Variants in RTN1 observed in about 807,000 individuals in gnomAD.
The protein encoded by RTN1 is reticulon 1.
RTN1 carries 25 observed loss-of-function variants against 65.5 expected under a neutral mutation model. That is an observed-to-expected ratio of 0.38 (90% CI 0.28 to 0.53). The LOEUF (loss-of-function observed/expected upper bound fraction) is 0.53, where lower values mean the gene tolerates loss of function less well. Among genes scored for constraint, RTN1 ranks in the 20% least tolerant of loss-of-function variants. The pLI, the probability that RTN1 is intolerant of heterozygous loss-of-function variation, is 0.79. For missense variants in RTN1, 983 were observed against 1,025.4 expected (o/e 0.96, Z 0.57); for synonymous variants, 471 against 447.6 (o/e 1.05, Z -0.66).
At chr14:59,859,839 C>T in intron 1 of RTN1, among the ~76,000 whole-genome samples, 1 of 152,136 alleles carries the variant, frequency 6.6e-6, no homozygotes, top group East Asian at 1.9e-4. Context: ...TGCCCTTGCC[C>T]TAGAGATTTG....
intron 1 of RTN1, among the ~76,000 whole-genome samples, chr14:59,838,190 G>A: frequency 6.6e-6 from 1 of 152,160 alleles, no homozygotes; most frequent in Non-Finnish European, 1.5e-5. Flanking sequence ...TTATAAGTGG[G>A]AACACGGAGT....
intron 3 of RTN1, among the ~76,000 whole-genome samples, chr14:59,614,801 G>A (rs965644154): frequency 1.3e-5 from 2 of 152,174 alleles, no homozygotes; most frequent in African/African-American, 4.8e-5. Context: ...TCCACCCTTA[G>A]TAGATAATTA....
chr14:59,834,317 T>C (rs1228226710), intron 1 of RTN1, among the ~76,000 whole-genome samples: 1 of 152,142 alleles, frequency 6.6e-6, no homozygotes, highest in African/African-American at 2.4e-5. Flanking sequence ...ATTTCTTAGA[T>C]ACAACACCAA....
At chr14:59,805,199 C>T (rs1032449487) in intron 1 of RTN1, among the ~76,000 whole-genome samples, 2 of 152,184 alleles carry the variant, frequency 1.3e-5, no homozygotes, top group Admixed American at 1.3e-4. Context: ...TCTAAAATAG[C>T]ATCCCCAAAT....
At chr14:59,657,496 A>T (rs965993866) in intron 3 of RTN1, among the ~76,000 whole-genome samples, 1 of 152,222 alleles carries the variant, frequency 6.6e-6, no homozygotes, top group Non-Finnish European at 1.5e-5. Context: ...GCTCCCAGTG[A>T]GATCAACACA....
intron 3 of RTN1, among the ~76,000 whole-genome samples, chr14:59,710,137 G>GGCTC (rs919587348): frequency 6.6e-6 from 1 of 150,874 alleles, no homozygotes; most frequent in Admixed American, 6.6e-5. Flanking sequence ...TACCCTCCCA[G>GGCTC]GCTCAAGTGA....
intron 1 of RTN1, among the ~76,000 whole-genome samples, chr14:59,859,968 C>A (rs976860626): frequency 6.6e-6 from 1 of 152,260 alleles, no homozygotes; most frequent in East Asian, 1.9e-4. Flanking sequence ...ATAAGGGAAA[C>A]AGAGCATAAA....
chr14:59,646,937 T>C (rs1882910274), intron 3 of RTN1: 1 of 154,024 alleles, frequency 6.5e-6, no homozygotes, highest in Non-Finnish European at 1.5e-5. Flanking sequence ...CACATATCAA[T>C]AATAATCTTG....
intron 3 of RTN1, among the ~76,000 whole-genome samples, chr14:59,625,006 C>T (rs1882355434): frequency 6.6e-6 from 1 of 152,128 alleles, no homozygotes; most frequent in African/African-American, 2.4e-5. Flanking sequence ...CCAATTACTT[C>T]ACATTCTGTT....
At chr14:59,818,792 A>T (rs1310461013) in intron 1 of RTN1, among the ~76,000 whole-genome samples, 1 of 152,236 alleles carries the variant, frequency 6.6e-6, no homozygotes, top group Non-Finnish European at 1.5e-5. Flanking sequence ...GCAGTGTATA[A>T]GCATTTCCTT....
At chr14:59,686,678 G>A (rs562439770) in intron 3 of RTN1, among the ~76,000 whole-genome samples, 1 of 152,330 alleles carries the variant, frequency 6.6e-6, no homozygotes, top group African/African-American at 2.4e-5. Flanking sequence ...GCACATGAGA[G>A]GAGCAGAGAG....
chr14:59,784,178 C>G (rs1183776780), intron 1 of RTN1, among the ~76,000 whole-genome samples: 1 of 152,178 alleles, frequency 6.6e-6, no homozygotes, highest in Non-Finnish European at 1.5e-5. Flanking sequence ...GTGGCTCATG[C>G]CTGTAATCCC....
At chr14:59,687,647 C>A (rs1023479492) in intron 3 of RTN1, among the ~76,000 whole-genome samples, 1 of 151,904 alleles carries the variant, frequency 6.6e-6, no homozygotes, top group Non-Finnish European at 1.5e-5. Flanking sequence ...GGTGCAGACA[C>A]AAGTTCAAAG....
chr14:59,803,140 T>C lies in RTN1; in HGVS notation c.242-56659A>G, dbSNP rs1886576763. Among the ~76,000 whole-genome samples the C allele has an allele frequency of 6.6e-6, 1 of 152,184 alleles. No individual in the cohort carries two copies. The highest frequency in any genetic ancestry group is 1.5e-5 in the Non-Finnish European group (1 of 68,040). On this transcript the variant is annotated intron_variant, in intron 1 of 8. Transcript: ENST00000267484. This position sits in a 1 kb window ranked among gnomAD's most constrained non-coding sequence, Gnocchi z 5.6. ...AATGAAATCAAAAGGACAGGATGTC[T>C]CCTATTCTTATGTGACTAAACACAG...
chr14:59,768,669 A>T (rs956871020), intron 1 of RTN1, among the ~76,000 whole-genome samples: 1 of 152,116 alleles, frequency 6.6e-6, no homozygotes. Flanking sequence ...CTTGCCACTA[A>T]CATGCTAATA....
intron 1 of RTN1, among the ~76,000 whole-genome samples, chr14:59,780,380 A>G (rs1279368947): frequency 3.9e-5 from 6 of 152,234 alleles, no homozygotes; most frequent in African/African-American, 1.4e-4. Context: ...TATGTCAAAT[A>G]TTAACAAAAC....
chr14:59,751,967 C>T (rs1351542753), intron 1 of RTN1, among the ~76,000 whole-genome samples: 1 of 152,198 alleles, frequency 6.6e-6, no homozygotes, highest in Admixed American at 6.5e-5. Context: ...CCTTCACAGT[C>T]TCACACTCAC....
At chr14:59,798,324 A>G (rs1219047080) in intron 1 of RTN1, among the ~76,000 whole-genome samples, 1 of 152,190 alleles carries the variant, frequency 6.6e-6, no homozygotes, top group Non-Finnish European at 1.5e-5. Flanking sequence ...TTATAACTTA[A>G]TACAAGTTAT....
intron 3 of RTN1, among the ~76,000 whole-genome samples, chr14:59,621,720 G>GA (rs1314492458): frequency 6.6e-6 from 1 of 152,200 alleles, no homozygotes; most frequent in African/African-American, 2.4e-5. Context: ...TTTCTAGAAA[G>GA]AAAGTCCTTT....
Sources: allele counts gnomAD v4.1 joint callset (sites outside exome capture counted in the v4.1 genomes callset), GRCh38; gene constraint gnomAD v4.1.1; non-coding constraint Gnocchi (gnomAD v3.1); transcripts MANE v1.5; gene names NCBI Gene and HGNC (gene_info 2026-07-23, HGNC 2026-07-21).